UGT1A7: variants seen among roughly 807,000 people sequenced by gnomAD.
UGT1A7 encodes UDP-glucuronosyltransferase 1A7.
Under a neutral mutation model 45.6 loss-of-function variants are expected in UGT1A7, and 33 were observed. That is an observed-to-expected ratio of 0.72 (90% CI 0.55 to 0.97). The LOEUF is 0.97. UGT1A7 is among the 50% of genes least tolerant of loss of function. The pLI, the probability that UGT1A7 is intolerant of heterozygous loss-of-function variation, is 0.00. For synonymous variants in UGT1A7, 274 were observed against 250.6 expected, an observed-to-expected ratio of 1.09 and a Z score of -0.88; for missense variants, 684 against 666.2, an observed-to-expected ratio of 1.03 and a Z score of -0.29.
At chr2:233,715,699 G>A (rs1160022726) in intron 1 of UGT1A7, among the ~76,000 whole-genome samples, 1 of 152,162 alleles carries the variant, frequency 6.6e-6, no homozygotes, top group Non-Finnish European at 1.5e-5. Flanking sequence ...TTGATCCCAG[G>A]AGGTGGAGGC....
rs35129844 is a variant in UGT1A7 at position 233,767,814 on chromosome 2, C to A, written c.988-35C>A. Reference sequence around the variant, plus strand: ...ATTTGTTTTCTAATCATATTATGTTCTTTCTTTACGTTCTGCTCTTTTTGC... The same window carrying A: ...ATTTGTTTTCTAATCATATTATGTTATTTCTTTACGTTCTGCTCTTTTTGC... On this transcript the variant is annotated intron_variant, in intron 2 of 4. Coordinates refer to ENST00000373426, the MANE Select transcript of UGT1A7 (RefSeq NM_019077.3). The A allele has an allele frequency of 5.0e-6, 8 of 1,613,992 alleles. No homozygotes were observed. In the African/African-American group the frequency reaches 6.7e-5, roughly 13 times the overall value.
chr2:233,755,356 C>A (rs1290050168), intron 1 of UGT1A7: 4 of 377,426 alleles, frequency 1.1e-5, no homozygotes, highest in Admixed American at 3.8e-5. Flanking sequence ...GCTTGGCGAC[C>A]TGGGCCGCCT....
At chr2:233,719,270 A>T (rs775879041) in intron 1 of UGT1A7, 1 of 1,614,088 alleles carries the variant, frequency 6.2e-7, no homozygotes, top group South Asian at 1.1e-5. Flanking sequence ...ATGTGGTTTT[A>T]ACAGACCCCG....
At chr2:233,767,553 A>C (rs1463279318) in intron 2 of UGT1A7, among the ~76,000 whole-genome samples, 1 of 152,268 alleles carries the variant, frequency 6.6e-6, no homozygotes, top group Non-Finnish European at 1.5e-5. Flanking sequence ...ATAGTTCTGC[A>C]TCCACTTGTT....
At chr2:233,743,677 G>A (rs1026564745) in intron 1 of UGT1A7, 2 of 1,367,100 alleles carry the variant, frequency 1.5e-6, no homozygotes, top group African/African-American at 1.5e-5. Flanking sequence ...CGAAGGGCCT[G>A]CCGCCTGTGC....
intron 1 of UGT1A7, among the ~76,000 whole-genome samples, chr2:233,722,696 T>G (rs1380432691): frequency 6.6e-6 from 1 of 152,188 alleles, no homozygotes; most frequent in African/African-American, 2.4e-5. Context: ...TTTCATTGCT[T>G]TTAGATAATT....
rs754549295 is a variant in UGT1A7, at chr2:233,768,434, C to A, written c.1290C>A (p.Asp430Glu). 1 of 1,613,634 alleles carries A rather than the reference C, an allele frequency of 6.2e-7. No individual in the cohort carries two copies. Among genetic ancestry groups the A allele is most frequent in the Non-Finnish European group, 8.5e-7 (1 of 1,179,838 alleles). Residue 430 changes from aspartate (D) to glutamate (E), a missense_variant, in exon 4 of 5, where the codon GAC becomes GAA. Coordinates refer to ENST00000373426, the MANE Select transcript of UGT1A7 (RefSeq NM_019077.3). ...LENALKAVIN[D>E]KSYKENIMRL... The stretch of plus-strand genomic sequence containing the variant: ...ATGCTCTAAAAGCAGTCATCAATGA[C>A]AAAAGGTAAGAAAGAAGATACAGAA...
At chr2:233,703,929 T>C (rs2125594300) in intron 1 of UGT1A7, among the ~76,000 whole-genome samples, 1 of 152,142 alleles carries the variant, frequency 6.6e-6, no homozygotes, top group East Asian at 1.9e-4. Context: ...CTCATTCTGT[T>C]ACCCAGACTG....
In UGT1A7 at chr2:233,712,300, T is replaced by C. The variant is rs189228141; in HGVS notation, c.855+29508T>C. Among the ~76,000 whole-genome samples the C allele has an allele frequency of 8.4e-4, 128 of 151,886 alleles. 1 individual carries two copies. The highest frequency in any genetic ancestry group is 3.4e-3 in the Middle Eastern group (1 of 294). On this transcript the variant is annotated intron_variant, in intron 1 of 4. Coordinates refer to ENST00000373426, the MANE Select transcript of UGT1A7 (RefSeq NM_019077.3). ...AGCACCTCTTCTTCCATGGTGTAGA[T>C]GGAGAATCCTCAACAAAGCCTTTCC...
At chr2:233,692,704 C>G (rs2075110773) in intron 1 of UGT1A7, 1 of 432,618 alleles carries the variant, frequency 2.3e-6, no homozygotes, top group Non-Finnish European at 3.1e-6. Context: ...CTCTCCAAGT[C>G]ATCTTCAAAG....
At chr2:233,747,468 C>A in intron 1 of UGT1A7, 1 of 1,608,682 alleles carries the variant, frequency 6.2e-7, no homozygotes, top group Non-Finnish European at 8.5e-7. Flanking sequence ...TTCATGGACC[C>A]AGGATGAATT....
At chr2:233,685,063 CAGG>C (rs1371884049) in intron 1 of UGT1A7, among the ~76,000 whole-genome samples, 1 of 152,106 alleles carries the variant, frequency 6.6e-6, no homozygotes, top group African/African-American at 2.4e-5. Context: ...AAGCTCTGCA[CAGG>C]AGATTTTTTT....
intron 1 of UGT1A7, among the ~76,000 whole-genome samples, chr2:233,715,415 T>A (rs2076450298): frequency 6.6e-6 from 1 of 152,186 alleles, no homozygotes; most frequent in Non-Finnish European, 1.5e-5. Context: ...TAAAATACAT[T>A]TTATCTGATA....
intron 1 of UGT1A7, among the ~76,000 whole-genome samples, chr2:233,701,055 T>G (rs904077484): frequency 6.6e-6 from 1 of 152,218 alleles, no homozygotes; most frequent in Non-Finnish European, 1.5e-5. Context: ...GAACTCATAA[T>G]TTTTTATGGC....
chr2:233,768,519 G>A, intron 4 of UGT1A7, 80 bp downstream of exon 4: 2 of 1,531,284 alleles, frequency 1.3e-6, no homozygotes, highest in Non-Finnish European at 1.8e-6. Flanking sequence ...CATTTACGTA[G>A]CATTTAATAG....
intron 1 of UGT1A7, among the ~76,000 whole-genome samples, chr2:233,683,661 A>T (rs956582405): frequency 6.6e-6 from 1 of 152,054 alleles, no homozygotes; most frequent in Non-Finnish European, 1.5e-5. Flanking sequence ...AAAGTATTTC[A>T]TCTTTCTTAT....
In UGT1A7 at chr2:233,769,705, G is replaced by T. The variant is rs1699921958; in HGVS notation, c.1295+1266G>T. Reference sequence around the variant, plus strand: ...TGGTGGCACTGGATAAAAGATCAATGTTGGCTAGGCACCATGGCACACGCC... The same window carrying T: ...TGGTGGCACTGGATAAAAGATCAATTTTGGCTAGGCACCATGGCACACGCC... On this transcript the variant is annotated intron_variant, in intron 4 of 4. Transcript: ENST00000373426. This position sits in a 1 kb window ranked among gnomAD's most constrained non-coding sequence, Gnocchi z 4.4. The T allele has an allele frequency of 6.6e-7, 1 of 1,517,524 alleles. No homozygotes were observed. Among genetic ancestry groups the T allele is most frequent in the African/African-American group, 1.4e-5 (1 of 73,038 alleles). The allele number at this position is 1,517,524 out of a possible 1,614,324, so 94.0% of individuals were successfully genotyped here. A position where few individuals can be genotyped will look rare whatever the true frequency, so the allele number is the denominator to read the frequency against.
intron 1 of UGT1A7, among the ~76,000 whole-genome samples, chr2:233,715,085 C>T (rs2076431603): frequency 6.6e-6 from 1 of 152,050 alleles, no homozygotes; most frequent in Non-Finnish European, 1.5e-5. Context: ...GGAGTTTCAT[C>T]ATATTGGCCA....
At chr2:233,693,684 C>G in intron 1 of UGT1A7, 1 of 1,614,168 alleles carries the variant, frequency 6.2e-7, no homozygotes, top group Non-Finnish European at 8.5e-7. Flanking sequence ...TGTCTGTTTT[C>G]AAAGTATGAA....
Sources: gnomAD v4.1 joint callset for allele counts (sites outside exome capture counted in the v4.1 genomes callset) on GRCh38, gnomAD v4.1.1 for gene constraint, Gnocchi (gnomAD v3.1) non-coding constraint, MANE v1.5 for transcripts, NCBI Gene and HGNC (gene_info 2026-07-23, HGNC 2026-07-21) for gene names.